MGAT4D: variants seen among roughly 807,000 people sequenced by gnomAD.
The protein encoded by MGAT4D is MGAT4 family member D.
In MGAT4D, 34 loss-of-function variants were observed where a neutral mutation model predicts 15.9. The observed-to-expected ratio is 2.14, with a 90% CI of 1.62 to 2.84. The LOEUF (loss-of-function observed/expected upper bound fraction) is 2.84. MGAT4D is among the 30% of genes most tolerant of loss of function. The pLI is 0.00. For synonymous variants in MGAT4D, 112 were observed against 48.2 expected, an observed-to-expected ratio of 2.33 and a Z score of -5.49; for missense variants, 327 against 140.2, an observed-to-expected ratio of 2.33 and a Z score of -6.73.
At position 140,465,013 on chromosome 4, in the gene MGAT4D, T is replaced by C. The variant is rs762351567; in HGVS notation, c.573-4A>G. 12 of 698,904 alleles carry C rather than the reference T, an allele frequency of 1.7e-5. No individual in the cohort carries two copies. The highest frequency in any genetic ancestry group is 1.2e-4 in the African/African-American group (7 of 57,092). 43.3% of individuals were successfully genotyped at this position (698,904 alleles called of 1,614,324 possible). Reference sequence around the variant, plus strand: ...AGACCTCACTTGCCTTTTGAATCTATAAATAGAAGTAAATGCAGACTTATA... The same window carrying C: ...AGACCTCACTTGCCTTTTGAATCTACAAATAGAAGTAAATGCAGACTTATA... On this transcript the variant is annotated splice_polypyrimidine_tract_variant and splice_region_variant and intron_variant, in intron 5 of 10. Transcript: ENST00000511113.
At chr4:140,457,669 C>T (rs1215672323) in intron 8 of MGAT4D, 2 of 152,088 alleles carry the variant, frequency 1.3e-5, no homozygotes, top group African/African-American at 4.8e-5. Context: ...GATTTGGCAT[C>T]CCATAAATAG....
At chr4:140,464,225 T>C (rs975890980) in intron 6 of MGAT4D, among the ~76,000 whole-genome samples, 3 of 152,216 alleles carry the variant, frequency 2.0e-5, no homozygotes, top group African/African-American at 4.8e-5. Context: ...TAAGACCTTT[T>C]TCTGATTTCT....
At chr4:140,482,229 G>A (rs1443249387) in intron 2 of MGAT4D, 98 bp downstream of exon 2, 2 of 541,234 alleles carry the variant, frequency 3.7e-6, no homozygotes, top group Admixed American at 3.8e-5. Context: ...AACCAGTACT[G>A]ATATAGTTAA....
intron 8 of MGAT4D, chr4:140,458,953 C>T (rs951825734): frequency 1.3e-4 from 19 of 151,408 alleles, no homozygotes; most frequent in African/African-American, 4.1e-4. Flanking sequence ...AAGAAAAAAG[C>T]ATGGAAGTGA....
intron 5 of MGAT4D, among the ~76,000 whole-genome samples, chr4:140,471,287 T>TTCCTTCC (rs1731943310): frequency 7.6e-6 from 1 of 132,122 alleles, no homozygotes; most frequent in South Asian, 2.4e-4. Context: ...TCCTTCCTTC[T>TTCCTTCC]CTCTCTTTTC....
At chr4:140,494,861 C>T (rs12504457) in intron 1 of MGAT4D, among the ~76,000 whole-genome samples, 13,153 of 152,198 alleles carry the variant, frequency 0.086, 576 homozygotes, top group South Asian at 0.11. Context: ...GCCCTCTCCC[C>T]GCAAAGAATT....
chr4:140,451,824 A>G (rs1578638902), intron 9 of MGAT4D, among the ~76,000 whole-genome samples: 1 of 152,010 alleles, frequency 6.6e-6, no homozygotes, highest in South Asian at 2.1e-4. Flanking sequence ...AATGCTTGTT[A>G]TTTTTCTATC....
intron 4 of MGAT4D, among the ~76,000 whole-genome samples, chr4:140,472,799 T>C (rs1732054634): frequency 1.3e-5 from 2 of 152,196 alleles, no homozygotes; most frequent in South Asian, 2.1e-4. Flanking sequence ...TTCTAATATA[T>C]AAAATAAGGC....
intron 7 of MGAT4D, among the ~76,000 whole-genome samples, chr4:140,461,198 T>G (rs922349509): frequency 6.6e-6 from 1 of 151,950 alleles, no homozygotes; most frequent in Non-Finnish European, 1.5e-5. Context: ...TTGGGAAGAG[T>G]ACATTGGCTG....
chr4:140,498,186 C>G lies in MGAT4D; in HGVS notation c.37G>C (p.Val13Leu). The change falls in exon 1 of 11, where the codon GTC (valine) becomes CTC (leucine). Residue 13 changes from valine to leucine, a missense_variant. Transcript: ENST00000511113. ...TKQVNLLITL[V>L]AVALFSFSCF... ...GAGAAGCTGAACAACGCGACGGCGA[C>G]CAGGGTGATCAGCAAGTTCACCTGC... The G allele has an allele frequency of 2.8e-6, 2 of 702,658 alleles. No homozygotes were observed. The highest frequency in any genetic ancestry group is 2.6e-6 in the Non-Finnish European group (1 of 384,742). The allele number at this position is 702,658 out of a possible 1,614,324, so 43.5% of individuals were successfully genotyped here.
rs116664904 is a variant in MGAT4D at position 140,455,759 on chromosome 4, A to G, written c.1008+830T>C. Among the ~76,000 whole-genome samples the G allele has an allele frequency of 6.9e-3, 1,047 of 152,220 alleles. 9 individuals are homozygous for G. The highest frequency in any genetic ancestry group is 0.024 in the African/African-American group (1,003 of 41,512). ...TCAAGACTCTGTTGTCTTCTTGGTA[A>G]ATTAACCCTTTTATTATATATAACA... On this transcript the variant is annotated intron_variant, in intron 9 of 10. Transcript: ENST00000511113.
At chr4:140,443,560 A>G (rs548577733) in intron 10 of MGAT4D, 116 bp from the exon 11 acceptor site, 1 of 342,368 alleles carries the variant, frequency 2.9e-6, no homozygotes, top group South Asian at 5.6e-5. Flanking sequence ...CCTCTTTGAT[A>G]CCACCCACAC....
chr4:140,473,719 G>A (rs1415290252), intron 4 of MGAT4D, among the ~76,000 whole-genome samples: 1 of 152,116 alleles, frequency 6.6e-6, no homozygotes, highest in Non-Finnish European at 1.5e-5. Flanking sequence ...TGTTTTTTGA[G>A]ACAGGGCCTC....
intron 4 of MGAT4D, among the ~76,000 whole-genome samples, chr4:140,472,668 G>A (rs571147078): frequency 1.3e-5 from 2 of 152,166 alleles, no homozygotes; most frequent in East Asian, 3.9e-4. Context: ...TTTAAACACG[G>A]CGTCAAAGTC....
chr4:140,449,800 A>T (rs1730359669), intron 10 of MGAT4D, among the ~76,000 whole-genome samples: 1 of 152,172 alleles, frequency 6.6e-6, no homozygotes, highest in African/African-American at 2.4e-5. Flanking sequence ...ACAAAATTTA[A>T]CTAGTTAAAG....
chr4:140,456,443 G>C (rs1730805778), intron 9 of MGAT4D, 146 bp downstream of exon 9: 2 of 398,634 alleles, frequency 5.0e-6, no homozygotes, highest in South Asian at 6.5e-5. Flanking sequence ...TCATTTAATA[G>C]GTAGAAAGAT....
intron 1 of MGAT4D, among the ~76,000 whole-genome samples, chr4:140,490,153 T>C (rs1377401874): frequency 6.6e-6 from 1 of 152,220 alleles, no homozygotes; most frequent in Non-Finnish European, 1.5e-5. Flanking sequence ...ATTTTCTTGA[T>C]TGCTAGTGGT....
Position 140,459,614 on chromosome 4 carries a change from T to C in MGAT4D, c.775A>G (p.Ile259Val), listed in dbSNP as rs767095326. The change falls in exon 8 of 11, where the codon ATC (isoleucine) becomes GTC (valine). Residue 259 changes from isoleucine to valine, a missense_variant. By Grantham distance (29) the Ile-to-Val change is conservative. Transcript: ENST00000511113. ...GTAAAGTACATCTCTTTAGCTATGATATCATCTTCTAGCTGAAAAAAAAAA... is the reference window on the plus strand; with the variant it reads ...GTAAAGTACATCTCTTTAGCTATGACATCATCTTCTAGCTGAAAAAAAAAA... ...AKYYLQLEDD[I>V]IAKEMYFTKI... 56 of 473,124 alleles carry C rather than the reference T, an allele frequency of 1.2e-4. No homozygotes were observed. Among genetic ancestry groups the C allele is most frequent in the Admixed American group, 2.1e-4 (5 of 24,380 alleles). The allele number at this position is 473,124 out of a possible 1,614,324, so 29.3% of individuals were successfully genotyped here.
intron 5 of MGAT4D, among the ~76,000 whole-genome samples, chr4:140,470,111 T>A (rs538696005): frequency 6.6e-6 from 1 of 152,340 alleles, no homozygotes; most frequent in East Asian, 1.9e-4. Flanking sequence ...GGGTTTAATG[T>A]CCTCTCCTTC....
Sources: gnomAD v4.1 joint callset for allele counts (sites outside exome capture counted in the v4.1 genomes callset) on GRCh38, gnomAD v4.1.1 for gene constraint, MANE v1.5 for transcripts, NCBI Gene and HGNC (gene_info 2026-07-23, HGNC 2026-07-21) for gene names.